The following GPC5 variants were observed in gnomAD, a reference collection of about 807,000 sequenced individuals.
The protein encoded by GPC5 is glypican 5.
GPC5 carries 47 observed loss-of-function variants against 53.9 expected under a neutral mutation model. The ratio of observed to expected loss-of-function variants is 0.87; its 90% CI spans 0.69 to 1.11. The LOEUF (loss-of-function observed/expected upper bound fraction) is 1.11. GPC5 is among the 50% of genes most tolerant of loss of function. The pLI is 0.00. For synonymous variants in GPC5, 286 were observed against 263.3 expected (o/e 1.09, Z -0.84); for missense variants, 748 against 713.1 (o/e 1.05, Z -0.56).
At chr13:92,316,895 C>G (rs2139217616) in intron 7 of GPC5, among the ~76,000 whole-genome samples, 1 of 152,174 alleles carries the variant, frequency 6.6e-6, no homozygotes, top group Admixed American at 6.5e-5. Context: ...CTTAATCACT[C>G]ATAAATTGTT....
chr13:92,416,847 T>C (rs183967552), intron 7 of GPC5, among the ~76,000 whole-genome samples: 3 of 152,254 alleles, frequency 2.0e-5, no homozygotes, highest in African/African-American at 7.2e-5. Context: ...ATGTAGGACA[T>C]ACAAAGAAAT....
At chr13:91,821,415 C>A (rs946442035) in intron 5 of GPC5, among the ~76,000 whole-genome samples, 1 of 152,096 alleles carries the variant, frequency 6.6e-6, no homozygotes, top group African/African-American at 2.4e-5. Context: ...AGGCTCTTCC[C>A]CACTTTTTTC....
At chr13:91,745,267 A>G (rs972919948) in intron 4 of GPC5, among the ~76,000 whole-genome samples, 1 of 152,092 alleles carries the variant, frequency 6.6e-6, no homozygotes. Flanking sequence ...TTATGGGGAC[A>G]TTAAGTGGTA....
intron 7 of GPC5, among the ~76,000 whole-genome samples, chr13:92,692,657 G>A (rs71427592): frequency 0.21 from 31,890 of 149,212 alleles, 4,478 homozygotes; most frequent in Middle Eastern, 0.33. Flanking sequence ...TTGTGCACAT[G>A]TACCCTAAAA....
chr13:92,299,522 GA>G (rs1159074553), intron 7 of GPC5, among the ~76,000 whole-genome samples: 6 of 152,106 alleles, frequency 3.9e-5, no homozygotes, highest in African/African-American at 7.2e-5. Flanking sequence ...TGAAATTTCT[GA>G]GAATGATCAT....
At chr13:91,679,278 G>A (rs1159687763) in intron 2 of GPC5, among the ~76,000 whole-genome samples, 1 of 152,114 alleles carries the variant, frequency 6.6e-6, no homozygotes, top group Non-Finnish European at 1.5e-5. Context: ...AGCTATTGAT[G>A]ACTCACTGGA....
rs530219782 is a variant in GPC5, at chr13:91,532,138, A to C, written c.325+83216A>C. ...GGCAGATTAAGGAAATTGACACTTG[A>C]ATGAAGAGTTTAATATGATTTTGAC... is the stretch of plus-strand genomic sequence containing the variant. On this transcript the variant is annotated intron_variant, in intron 2 of 7. Transcript: ENST00000377067. Among the ~76,000 whole-genome samples the C allele has an allele frequency of 2.0e-5, 3 of 152,318 alleles. No individual in the cohort carries two copies. The South Asian group carries it at 6.2e-4, about 32-fold the overall frequency.
At chr13:91,850,871 A>G (rs1044284826) in intron 5 of GPC5, among the ~76,000 whole-genome samples, 2 of 152,132 alleles carry the variant, frequency 1.3e-5, no homozygotes, top group African/African-American at 4.8e-5. Context: ...TTGGGGCTCT[A>G]TCCTTATTAA....
chr13:92,294,049 A>G (rs1169149478), intron 7 of GPC5, among the ~76,000 whole-genome samples: 1 of 152,076 alleles, frequency 6.6e-6, no homozygotes, highest in Non-Finnish European at 1.5e-5. Flanking sequence ...AACCTACTTG[A>G]TCATGTTGGA....
intron 1 of GPC5, among the ~76,000 whole-genome samples, chr13:91,411,284 G>GT (rs1230685366): frequency 6.6e-6 from 1 of 152,242 alleles, no homozygotes; most frequent in Non-Finnish European, 1.5e-5. Context: ...CATCAAGTGA[G>GT]TAGGAGTTAC....
chr13:92,056,058 T>C (rs1479629240), intron 6 of GPC5, among the ~76,000 whole-genome samples: 1 of 152,196 alleles, frequency 6.6e-6, no homozygotes, highest in Non-Finnish European at 1.5e-5. Context: ...TTCCTATTGC[T>C]CCCATACCCA....
intron 6 of GPC5, among the ~76,000 whole-genome samples, chr13:92,029,146 C>T (rs2040822049): frequency 6.6e-6 from 1 of 152,084 alleles, no homozygotes; most frequent in Non-Finnish European, 1.5e-5. Flanking sequence ...GTTTAGAAAT[C>T]ATTACACAGG....
intron 7 of GPC5, among the ~76,000 whole-genome samples, chr13:92,389,982 C>G (rs1874918585): frequency 6.6e-6 from 1 of 152,106 alleles, no homozygotes; most frequent in African/African-American, 2.4e-5. Context: ...AAAACTGGCA[C>G]TATGGTAATA....
chr13:92,009,892 C>G (rs1490654571), intron 6 of GPC5, among the ~76,000 whole-genome samples: 1 of 152,168 alleles, frequency 6.6e-6, no homozygotes, highest in Non-Finnish European at 1.5e-5. Context: ...TTCACAGTTG[C>G]TTTCAATTTC....
In GPC5 at chr13:92,075,044, T is replaced by G. The variant is rs2041241904; in HGVS notation, c.1402-69786T>G. ...ATGATTCTCATAGGTTATAAAAATTTTGTGCATATGCCTGTTTTGAAATTT... is the reference window on the plus strand; with the variant it reads ...ATGATTCTCATAGGTTATAAAAATTGTGTGCATATGCCTGTTTTGAAATTT... On this transcript the variant is annotated intron_variant, in intron 6 of 7. Transcript: ENST00000377067. Among the ~76,000 whole-genome samples the G allele has an allele frequency of 2.0e-5, 3 of 152,218 alleles. No homozygotes were observed. The South Asian group carries it at 6.2e-4, about 31-fold the overall frequency.
At chr13:91,887,709 CA>C (rs1360913558) in intron 5 of GPC5, among the ~76,000 whole-genome samples, 1 of 152,192 alleles carries the variant, frequency 6.6e-6, no homozygotes, top group Non-Finnish European at 1.5e-5. Context: ...TAAAGCATAG[CA>C]AGAGTCACCT....
chr13:92,422,500 A>G (rs1376369531), intron 7 of GPC5, among the ~76,000 whole-genome samples: 4 of 65,210 alleles, frequency 6.1e-5, no homozygotes, highest in African/African-American at 1.8e-4. Context: ...ACACACACAC[A>G]CACACACACA....
chr13:92,421,573 C>G (rs981447572), intron 7 of GPC5, among the ~76,000 whole-genome samples: 3 of 151,558 alleles, frequency 2.0e-5, no homozygotes, highest in Admixed American at 6.6e-5. Context: ...GTGGCGGGCA[C>G]CTGTAGTCCC....
rs191332563 is a variant in GPC5, at chr13:92,675,527, C to T, written c.1562-190755C>T. On this transcript the variant is annotated intron_variant, in intron 7 of 7. Transcript: ENST00000377067. Reference sequence around the variant, plus strand: ...TACAATGATATGATTCATAATTCCACCACAAATTTCCTTGATGCTTGGAAA... The same window carrying T: ...TACAATGATATGATTCATAATTCCATCACAAATTTCCTTGATGCTTGGAAA... 6.6e-5 allele frequency among the ~76,000 whole-genome samples: 10 copies of T among 152,064 alleles called. No homozygotes were observed. In the East Asian group the frequency reaches 1.9e-3, roughly 29 times the overall value.
Sources: gnomAD v4.1 joint callset for allele counts (sites outside exome capture counted in the v4.1 genomes callset) on GRCh38, gnomAD v4.1.1 for gene constraint, MANE v1.5 for transcripts, NCBI Gene and HGNC (gene_info 2026-07-23, HGNC 2026-07-21) for gene names.